Variants in SORCS2 observed in about 807,000 individuals in gnomAD.
The protein encoded by SORCS2 is sortilin related VPS10 domain containing receptor 2.
A neutral mutation model predicts 141.6 loss-of-function variants in SORCS2; 100 were observed. That is an observed-to-expected ratio of 0.71 (90% confidence interval 0.60 to 0.83). SORCS2 has a LOEUF of 0.83. Ranked by LOEUF, SORCS2 falls within the 40% of genes least tolerant of loss-of-function variation. SORCS2 has a pLI of 0.00. For missense variants in SORCS2, 1,646 were observed against 1,560.2 expected (o/e 1.05, Z -0.93); for synonymous variants, 789 against 676.9 (o/e 1.17, Z -2.57).
At chr4:7,238,748 C>G (rs1712473331) in intron 1 of SORCS2, among the ~76,000 whole-genome samples, 1 of 152,204 alleles carries the variant, frequency 6.6e-6, no homozygotes, top group South Asian at 2.1e-4. Context: ...CTTGGTGCTT[C>G]TGTTTTCGCC....
intron 3 of SORCS2, among the ~76,000 whole-genome samples, chr4:7,540,902 G>A (rs1159472650): frequency 6.6e-6 from 1 of 152,206 alleles, no homozygotes; most frequent in Non-Finnish European, 1.5e-5. Flanking sequence ...AATCAGTGTC[G>A]TAAAGTGGCC....
At chr4:7,424,699 C>G (rs551136046) in intron 2 of SORCS2, among the ~76,000 whole-genome samples, 3 of 152,310 alleles carry the variant, frequency 2.0e-5, no homozygotes, top group Non-Finnish European at 4.4e-5. Context: ...TGCCGGGGCT[C>G]TCAGCAGGAC....
intron 14 of SORCS2, among the ~76,000 whole-genome samples, chr4:7,710,926 G>A (rs1268492889): frequency 6.6e-6 from 1 of 152,178 alleles, no homozygotes; most frequent in Non-Finnish European, 1.5e-5. Flanking sequence ...TGAACCCCAC[G>A]CACAGAGAAG....
intron 3 of SORCS2, among the ~76,000 whole-genome samples, chr4:7,626,705 C>A (rs1719537167): frequency 6.6e-6 from 1 of 152,204 alleles, no homozygotes; most frequent in South Asian, 2.1e-4. Context: ...AACTCACTAC[C>A]ATCTGAAATG....
At position 7,421,179 on chromosome 4, in the gene SORCS2, G is replaced by C. The variant is rs528741366; in HGVS notation, c.548+24824G>C. Among the ~76,000 whole-genome samples the C allele has an allele frequency of 7.4e-4, 113 of 152,212 alleles. 1 individual carries two copies. Among genetic ancestry groups the C allele is most frequent in the Non-Finnish European group, 1.4e-3 (98 of 68,040 alleles). ...AGCTGTTGGCTGAAGCCCCAGGGAA[G>C]GCACTGGGCTCTGCAGTGAGTCAGA... On this transcript the variant is annotated intron_variant, in intron 2 of 26. Coordinates refer to ENST00000507866, the MANE Select transcript of SORCS2 (RefSeq NM_020777.3).
At chr4:7,497,429 G>A (rs71601848) in intron 2 of SORCS2, among the ~76,000 whole-genome samples, 4,646 of 150,498 alleles carry the variant, frequency 0.031, 110 homozygotes, top group Non-Finnish European at 0.048. Context: ...CCCACACCCA[G>A]TGAAGGGTGA....
At chr4:7,588,488 A>G (rs1716690953) in intron 3 of SORCS2, among the ~76,000 whole-genome samples, 4 of 152,216 alleles carry the variant, frequency 2.6e-5, no homozygotes. Flanking sequence ...ATTGAAGGTC[A>G]GGGAAGCCAC....
chr4:7,739,175 C>T (rs186798581), intron 26 of SORCS2, among the ~76,000 whole-genome samples: 159 of 152,318 alleles, frequency 1.0e-3, no homozygotes, highest in African/African-American at 3.2e-3. Flanking sequence ...GAGGTGGAGC[C>T]GGGCTCAAGC....
chr4:7,659,999 CCTCGT>C (rs2108912459), intron 5 of SORCS2, among the ~76,000 whole-genome samples: 1 of 152,320 alleles, frequency 6.6e-6, no homozygotes, highest in African/African-American at 2.4e-5. Context: ...GCCTTGGTTT[CCTCGT>C]CTGTAAAATG....
chr4:7,328,847 C>T lies in SORCS2; in HGVS notation c.481-67441C>T, dbSNP rs1028438195. On this transcript the variant is annotated intron_variant, in intron 1 of 26. Transcript: ENST00000507866. The stretch of plus-strand genomic sequence containing the variant: ...AGCCAGCCCATCTCTACCGTCCCTT[C>T]CGGCCTGAGGATGAGCATCCATGTC... Among the ~76,000 whole-genome samples the T allele has an allele frequency of 2.0e-5, 3 of 152,240 alleles. No individual in the cohort carries two copies. In the South Asian group the frequency reaches 6.2e-4, roughly 31 times the overall value.
intron 1 of SORCS2, among the ~76,000 whole-genome samples, chr4:7,287,251 G>A (rs1460235628): frequency 6.6e-6 from 1 of 152,238 alleles, no homozygotes; most frequent in African/African-American, 2.4e-5. Context: ...GGCTCTGGGT[G>A]CCACAGACCA....
chr4:7,456,093 C>T (rs182168109), intron 2 of SORCS2, among the ~76,000 whole-genome samples: 3 of 152,264 alleles, frequency 2.0e-5, no homozygotes, highest in East Asian at 1.9e-4. Context: ...CTCACGTGGT[C>T]GTCCCTCTAT....
chr4:7,704,196 C>A lies in SORCS2; in HGVS notation c.1780C>A (p.Leu594Ile). The A allele has an allele frequency of 6.2e-7, 1 of 1,612,672 alleles. No homozygotes were observed. The highest frequency in any genetic ancestry group is 8.5e-7 in the Non-Finnish European group (1 of 1,179,492). The change falls in exon 14 of 27, where the codon CTC (leucine) becomes ATC (isoleucine). Residue 594 changes from leucine (L) to isoleucine (I), a missense_variant. Physicochemically the swap from Leu to Ile is conservative, Grantham distance 5. Transcript: ENST00000507866. ...TGGCAGGTTCAGTGTGGACGAGGGC[C>A]TCACCTGGAGCACGCACAACTTCAC... is the stretch of plus-strand genomic sequence containing the variant. ...KILKFSVDEG[L>I]TWSTHNFTST...
intron 2 of SORCS2, among the ~76,000 whole-genome samples, chr4:7,446,299 C>T (rs1727997439): frequency 6.6e-6 from 1 of 152,206 alleles, no homozygotes; most frequent in African/African-American, 2.4e-5. Context: ...GCCCCACCCA[C>T]CCCAGGAGCT....
chr4:7,573,514 T>C (rs1279801856), intron 3 of SORCS2, among the ~76,000 whole-genome samples: 3 of 152,172 alleles, frequency 2.0e-5, no homozygotes, highest in Non-Finnish European at 4.4e-5. Flanking sequence ...TTTTGTTTGT[T>C]TGTTTCTTGT....
chr4:7,683,384 TCTG>T (rs1723678928), intron 10 of SORCS2, among the ~76,000 whole-genome samples: 3 of 148,366 alleles, frequency 2.0e-5, no homozygotes, highest in Non-Finnish European at 3.0e-5. Flanking sequence ...GCTGGGTGGC[TCTG>T]CTGATCTTGT....
intron 1 of SORCS2, among the ~76,000 whole-genome samples, chr4:7,384,892 G>A (rs887089668): frequency 2.0e-5 from 3 of 152,256 alleles, no homozygotes; most frequent in African/African-American, 7.2e-5. Context: ...CTGCATTCGA[G>A]GAGGAATCAG....
At chr4:7,587,756 G>C (rs535643744) in intron 3 of SORCS2, among the ~76,000 whole-genome samples, 5 of 152,200 alleles carry the variant, frequency 3.3e-5, no homozygotes, top group Admixed American at 3.3e-4. Flanking sequence ...TGGCCCGTCA[G>C]GGACTGTTTG....
chr4:7,425,574 C>T (rs912056778), intron 2 of SORCS2, among the ~76,000 whole-genome samples: 1 of 152,194 alleles, frequency 6.6e-6, no homozygotes, highest in African/African-American at 2.4e-5. Flanking sequence ...TTTCCTTGGT[C>T]TCACAGAGAA....
Sources: allele counts gnomAD v4.1 joint callset (sites outside exome capture counted in the v4.1 genomes callset), GRCh38; gene constraint gnomAD v4.1.1; transcripts MANE v1.5; gene names NCBI Gene and HGNC (gene_info 2026-07-23, HGNC 2026-07-21).